The following RPSA2 variants were observed in gnomAD, a reference collection of about 807,000 sequenced individuals.
RPSA2 encodes the protein ribosomal protein SA 2, also known as small ribosomal subunit protein uS2B.
chr19:23,798,225 T>TAGGATTA, the RPSA2 span, among the ~76,000 whole-genome samples: 1 of 152,144 alleles, frequency 6.6e-6, no homozygotes. Flanking sequence ...AGCATAAAAA[T>TAGGATTA]AGGATTAAAT....
chr19:23,861,618 C>T, the RPSA2 span, among the ~76,000 whole-genome samples: 9 of 152,116 alleles, frequency 5.9e-5, no homozygotes, highest in African/African-American at 2.2e-4. Flanking sequence ...TGTTGAACTC[C>T]CCCTTTTTAA....
chr19:23,809,439 T>A, the RPSA2 span: 1 of 152,168 alleles, frequency 6.6e-6, no homozygotes, highest in African/African-American at 2.4e-5. Context: ...GTTTATTGAA[T>A]CTAGAGATCA....
the RPSA2 span, among the ~76,000 whole-genome samples, chr19:23,837,135 T>A: frequency 6.6e-6 from 1 of 152,348 alleles, no homozygotes; most frequent in Non-Finnish European, 1.5e-5. Context: ...AAGTCCTTAA[T>A]CCATCTTGTG....
At chr19:23,842,889 C>T in the RPSA2 span, among the ~76,000 whole-genome samples, 1 of 152,124 alleles carries the variant, frequency 6.6e-6, no homozygotes, top group Non-Finnish European at 1.5e-5. Flanking sequence ...GTATCCTTCA[C>T]TCTAGATTAA....
At chr19:23,771,173 A>G in the RPSA2 span, among the ~76,000 whole-genome samples, 1 of 152,218 alleles carries the variant, frequency 6.6e-6, no homozygotes, top group South Asian at 2.1e-4. Context: ...TAGCCTGCCA[A>G]CAGTAAAGAC....
chr19:23,824,973 TTTTG>T, the RPSA2 span, among the ~76,000 whole-genome samples: 1 of 151,822 alleles, frequency 6.6e-6, no homozygotes, highest in African/African-American at 2.4e-5. Context: ...TTTGTTTTGT[TTTTG>T]TTTTTGTTTT....
chr19:23,832,075 G>C, the RPSA2 span: 1 of 460,922 alleles, frequency 2.2e-6, no homozygotes, highest in Non-Finnish European at 4.4e-6. Context: ...ATGTGGCAAA[G>C]CTTTTAAGCA....
the RPSA2 span, among the ~76,000 whole-genome samples, chr19:23,782,860 T>C: frequency 6.6e-6 from 1 of 152,192 alleles, no homozygotes; most frequent in East Asian, 1.9e-4. Context: ...CAAGAGACAT[T>C]GTGACATGTC....
chr19:23,765,118 A>G, the RPSA2 span, among the ~76,000 whole-genome samples: 2 of 152,176 alleles, frequency 1.3e-5, no homozygotes, highest in Admixed American at 6.5e-5. Flanking sequence ...CTTGTATACT[A>G]TTTGTCTAAA....
At chr19:23,858,842 A>G in the RPSA2 span, among the ~76,000 whole-genome samples, 2 of 152,212 alleles carry the variant, frequency 1.3e-5, no homozygotes, top group Non-Finnish European at 2.9e-5. Flanking sequence ...CAGGTTTCTC[A>G]TGCACTCTGT....
chr19:23,760,398 C>G, the RPSA2 span, among the ~76,000 whole-genome samples: 2 of 152,076 alleles, frequency 1.3e-5, no homozygotes, highest in Non-Finnish European at 1.5e-5. Flanking sequence ...AAGACAATAA[C>G]ATTTTTAAAA....
At chr19:23,759,274 C>T in the RPSA2 span, among the ~76,000 whole-genome samples, 1 of 152,126 alleles carries the variant, frequency 6.6e-6, no homozygotes, top group Non-Finnish European at 1.5e-5. Flanking sequence ...CCTACCCCGA[C>T]AGCCCCCAGC....
the RPSA2 span, among the ~76,000 whole-genome samples, chr19:23,850,952 G>A: frequency 6.6e-6 from 1 of 152,160 alleles, no homozygotes; most frequent in African/African-American, 2.4e-5. Flanking sequence ...GATTGTAAGG[G>A]ATTCTGGTAA....
At chr19:23,816,210 C>A in the RPSA2 span, among the ~76,000 whole-genome samples, 1 of 152,094 alleles carries the variant, frequency 6.6e-6, no homozygotes, top group Non-Finnish European at 1.5e-5. Context: ...TCATGGCTCA[C>A]TGCAGCCTCA....
chr19:23,835,992 T>A, the RPSA2 span, among the ~76,000 whole-genome samples: 2 of 151,966 alleles, frequency 1.3e-5, no homozygotes, highest in African/African-American at 4.8e-5. Flanking sequence ...TAAGAATATA[T>A]ATTTTTTTAA....
the RPSA2 span, among the ~76,000 whole-genome samples, chr19:23,772,368 T>G: frequency 1.3e-5 from 2 of 152,020 alleles, no homozygotes; most frequent in Admixed American, 1.3e-4. Flanking sequence ...TCAGGGAAGA[T>G]ATCCTTGGCT....
the RPSA2 span, among the ~76,000 whole-genome samples, chr19:23,797,702 G>A: frequency 2.0e-5 from 3 of 152,210 alleles, no homozygotes; most frequent in South Asian, 6.2e-4. Flanking sequence ...CACTATTGTT[G>A]TGTCAGAATC....
the RPSA2 span, chr19:23,762,893 T>C: frequency 6.6e-6 from 1 of 152,208 alleles, no homozygotes; most frequent in Non-Finnish European, 1.5e-5. Context: ...AGAATGCTGT[T>C]GCTTTATCCA....
the RPSA2 span, chr19:23,808,719 G>T: frequency 1.4e-6 from 1 of 704,210 alleles, no homozygotes. Flanking sequence ...AATAAAACAG[G>T]TATTACTGTC....
Sources: gnomAD v4.1 joint callset for allele counts (sites outside exome capture counted in the v4.1 genomes callset) on GRCh38, gnomAD v4.1.1 for gene constraint, MANE v1.5 for transcripts, NCBI Gene and HGNC (gene_info 2026-07-23, HGNC 2026-07-21) for gene names.